KLK3: variants seen among roughly 807,000 people sequenced by gnomAD.
KLK3 encodes kallikrein related peptidase 3.
KLK3 carries 23 observed loss-of-function variants against 27.7 expected under a neutral mutation model. The observed-to-expected ratio is 0.83, with a 90% CI of 0.60 to 1.17. KLK3 has a LOEUF of 1.17. KLK3 is among the 50% of genes most tolerant of loss of function. The pLI is 0.00. For synonymous variants in KLK3, 142 were observed against 134.2 expected (o/e 1.06, Z -0.40); for missense variants, 322 against 338.1 (o/e 0.95, Z 0.37).
chr19:50,854,935 C>T lies in KLK3; in HGVS notation c.-21C>T, dbSNP rs769236849. On this transcript the variant is annotated 5_prime_UTR_variant, in exon 1 of 5. Transcript: ENST00000326003. The stretch of plus-strand genomic sequence containing the variant: ...TCCCCAGCCCCAAGCTTACCACCTG[C>T]ACCCGGAGAGCTGTGTCACCATGTG... The T allele has an allele frequency of 5.4e-5, 87 of 1,613,554 alleles. No individual in the cohort carries two copies. Among genetic ancestry groups the T allele is most frequent in the Non-Finnish European group, 7.0e-5 (82 of 1,179,810 alleles).
chr19:50,856,368 T>G lies in KLK3; in HGVS notation c.175T>G (p.Trp59Gly), dbSNP rs760366035. Reference sequence around the variant, plus strand: ...CGGCGGTGTTCTGGTGCACCCCCAGTGGGTCCTCACAGCTGCCCACTGCAT... The same window carrying G: ...CGGCGGTGTTCTGGTGCACCCCCAGGGGGTCCTCACAGCTGCCCACTGCAT... ...VCGGVLVHPQWVLTAAHCIRN... is the reference protein window; with the variant it reads ...VCGGVLVHPQGVLTAAHCIRN... Residue 59 changes from tryptophan to glycine, a missense_variant, in exon 2 of 5, where the codon TGG (tryptophan) becomes GGG (glycine). Transcript: ENST00000326003. The G allele has an allele frequency of 6.2e-6, 10 of 1,613,812 alleles. No individual in the cohort carries two copies. The highest frequency in any genetic ancestry group is 8.5e-6 in the Non-Finnish European group (10 of 1,179,990).
At chr19:50,856,770 G>C (rs922240829) in intron 2 of KLK3, 3 of 198,790 alleles carry the variant, frequency 1.5e-5, no homozygotes. Context: ...GTCTCACCCT[G>C]TATCTCTCTG....
intron 2 of KLK3, chr19:50,857,262 C>T (rs2090155878): frequency 6.6e-6 from 1 of 152,194 alleles, no homozygotes; most frequent in South Asian, 2.1e-4. Flanking sequence ...CCCTCTCACT[C>T]CATTCCTTCT....
At chr19:50,859,436 AG>A in intron 4 of KLK3, 1 of 963,360 alleles carries the variant, frequency 1.0e-6, no homozygotes, top group Non-Finnish European at 1.6e-6. Flanking sequence ...GGGTGGCTCC[AG>A]GCATTGTCCC....
Position 50,858,283 on chromosome 19 carries a change from C to T in KLK3, c.461C>T (p.Ala154Val). 6.2e-7 allele frequency: 1 copy of T among 1,614,024 alleles called. No homozygotes were observed. The highest frequency in any genetic ancestry group is 1.1e-5 in the South Asian group (1 of 91,066). ...QEPALGTTCY[A>V]SGWGSIEPEE... ...CCAGCACTGGGGACCACCTGCTACG[C>T]CTCAGGCTGGGGCAGCATTGAACCA... Residue 154 changes from alanine (A) to valine (V), a missense_variant, in exon 3 of 5, where the codon GCC becomes GTC. Coordinates refer to ENST00000326003, the MANE Select transcript of KLK3 (RefSeq NM_001648.2).
chr19:50,855,103 G>A (rs898421212), intron 1 of KLK3, 102 bp downstream of exon 1: 7 of 1,220,388 alleles, frequency 5.7e-6, no homozygotes, highest in African/African-American at 1.5e-5. Flanking sequence ...CCCAGACAGG[G>A]AGCTGGGCTC....
In KLK3 at chr19:50,860,380, A is replaced by T; in HGVS notation, c.*253A>T. On this transcript the variant is annotated 3_prime_UTR_variant, in exon 5 of 5. Transcript: ENST00000326003. ...CAATTTCTCTGAGGACACAGATAGG[A>T]TGGGGTGTCTGTGTTATTTGTGGGG... 7.9e-6 allele frequency: 3 copies of T among 378,628 alleles called. No homozygotes were observed. Among genetic ancestry groups the T allele is most frequent in the East Asian group, 4.5e-5 (1 of 22,390 alleles). The allele number at this position is 378,628 out of a possible 1,614,324, so 23.5% of individuals were successfully genotyped here.
In KLK3 at chr19:50,859,954, C is replaced by T. The variant is rs760793589; in HGVS notation, c.631-18C>T. ...CTGGGACTGACCTATCTCACTCTCT[C>T]CCTGCTTTTACCCTTAGGGTGATTC... On this transcript the variant is annotated intron_variant, in intron 4 of 4. Transcript: ENST00000326003. 11 of 1,601,610 alleles carry T rather than the reference C, an allele frequency of 6.9e-6. No homozygotes were observed. The Admixed American group carries it at 1.9e-4, about 27-fold the overall frequency.
chr19:50,859,583 T>C (rs766283610), intron 4 of KLK3: 13 of 1,613,810 alleles, frequency 8.1e-6, no homozygotes, highest in South Asian at 1.1e-5. Flanking sequence ...TGGTCCTCCA[T>C]GGCTCCCTAG....
In KLK3 at chr19:50,856,310, G is replaced by A. The variant is rs7252245; in HGVS notation, c.117G>A (p.Gln39=). The change falls in exon 2 of 5, where the codon CAG becomes CAA. Residue 39 remains glutamine (Q), a synonymous_variant. Coordinates refer to ENST00000326003, the MANE Select transcript of KLK3 (RefSeq NM_001648.2). ...GCGAGAAGCATTCCCAACCCTGGCA[G>A]GTGCTTGTGGCCTCTCGTGGCAGGG... ...WECEKHSQPW[Q]VLVASRGRAV... 40,482 of 1,613,514 alleles carry A rather than the reference G, an allele frequency of 0.025. 1,685 individuals are homozygous for A. Among genetic ancestry groups the A allele is most frequent in the African/African-American group, 0.19 (14,231 of 74,974 alleles).
At position 50,859,997 on chromosome 19, in the gene KLK3, G is replaced by A. The variant is rs746545348; in HGVS notation, c.656G>A (p.Cys219Tyr). 6.2e-7 allele frequency: 1 copy of A among 1,613,768 alleles called. No individual in the cohort carries two copies. Among genetic ancestry groups the A allele is most frequent in the African/African-American group, 1.3e-5 (1 of 74,938 alleles). Residue 219 changes from cysteine to tyrosine, a missense_variant, in exon 5 of 5, where the codon TGT becomes TAT. By Grantham distance (194) the Cys-to-Tyr change is radical. Coordinates refer to ENST00000326003, the MANE Select transcript of KLK3 (RefSeq NM_001648.2). ...CSGDSGGPLV[C>Y]NGVLQGITSW... ...GGTGATTCTGGGGGCCCACTTGTCTGTAATGGTGTGCTTCAAGGTATCACG... is the reference window on the plus strand; with the variant it reads ...GGTGATTCTGGGGGCCCACTTGTCTATAATGGTGTGCTTCAAGGTATCACG...
rs746453452 is a variant in KLK3 at position 50,859,655 on chromosome 19, C to T, written c.631-317C>T. ...CTGGAAGGTGGCCTCTGTGAGGAGC[C>T]ACGGGGACAGCATCCTGCAGATGGT... On this transcript the variant is annotated intron_variant, in intron 4 of 4. Transcript: ENST00000326003. 39 of 1,607,156 alleles carry T rather than the reference C, an allele frequency of 2.4e-5. No individual in the cohort carries two copies. In the Middle Eastern group the frequency reaches 5.0e-4, roughly 20 times the overall value.
At position 50,856,324 on chromosome 19, in the gene KLK3, C is replaced by T. The variant is rs1208039263; in HGVS notation, c.131C>T (p.Ser44Phe). 10 of 1,613,574 alleles carry T rather than the reference C, an allele frequency of 6.2e-6. No individual in the cohort carries two copies. The highest frequency in any genetic ancestry group is 8.5e-7 in the Non-Finnish European group (1 of 1,179,982). The change falls in exon 2 of 5, where the codon TCT (serine) becomes TTT (phenylalanine). Residue 44 changes from serine (S) to phenylalanine (F), a missense_variant. Coordinates refer to ENST00000326003, the MANE Select transcript of KLK3 (RefSeq NM_001648.2). ...CAACCCTGGCAGGTGCTTGTGGCCT[C>T]TCGTGGCAGGGCAGTCTGCGGCGGT... Reference protein sequence around the residue: ...HSQPWQVLVASRGRAVCGGVL... With the variant: ...HSQPWQVLVAFRGRAVCGGVL...
Position 50,860,112 on chromosome 19 carries a change from C to G in KLK3, c.771C>G (p.Ile257Met). Residue 257 changes from isoleucine (I) to methionine (M), a missense_variant, in exon 5 of 5, where the codon ATC becomes ATG. By Grantham distance (10) the Ile-to-Met change is conservative. Transcript: ENST00000326003. ...VHYRKWIKDTIVANP is the reference protein window; with the variant it reads ...VHYRKWIKDTMVANP The stretch of plus-strand genomic sequence containing the variant: ...ACCGGAAGTGGATCAAGGACACCAT[C>G]GTGGCCAACCCCTGAGCACCCCTAT... 1 of 1,613,348 alleles carries G rather than the reference C, an allele frequency of 6.2e-7. No individual in the cohort carries two copies. The highest frequency in any genetic ancestry group is 8.5e-7 in the Non-Finnish European group (1 of 1,179,438).
At chr19:50,857,662 T>G in intron 2 of KLK3, 1 of 180,880 alleles carries the variant, frequency 5.5e-6, no homozygotes, top group Non-Finnish European at 1.1e-5. Flanking sequence ...CCTGGTTTTG[T>G]TCTTCTCTCT....
intron 1 of KLK3, 46 bp downstream of exon 1, chr19:50,855,047 C>A (rs555856852): frequency 1.9e-6 from 3 of 1,598,984 alleles, no homozygotes; most frequent in Non-Finnish European, 2.6e-6. Flanking sequence ...GGAGCCAGCC[C>A]TGACTGTCAA....
chr19:50,857,179 A>AAAAAAAAAAAAAAG (rs1555770267), intron 2 of KLK3, among the ~76,000 whole-genome samples: 66 of 145,336 alleles, frequency 4.5e-4, no homozygotes, highest in South Asian at 1.5e-3. Flanking sequence ...AAAAAAAAAA[A>AAAAAAAAAAAAAAG]AAAAGAAAAG....
chr19:50,858,777 G>T (rs917394946), intron 4 of KLK3, 182 bp downstream of exon 4: 1 of 670,956 alleles, frequency 1.5e-6, no homozygotes. Context: ...AAGGCAATAG[G>T]TTATTCTTAC....
Position 50,858,558 on chromosome 19 carries a change from G to A in KLK3, c.593G>A (p.Cys198Tyr), listed in dbSNP as rs780184499. Residue 198 changes from cysteine to tyrosine, a missense_variant, in exon 4 of 5, where the codon TGT becomes TAT. By Grantham distance (194) the Cys-to-Tyr change is radical. Transcript: ENST00000326003. ...CAGAAGGTGACCAAGTTCATGCTGT[G>A]TGCTGGACGCTGGACAGGGGGCAAA... Reference protein sequence around the residue: ...HPQKVTKFMLCAGRWTGGKST... With the variant: ...HPQKVTKFMLYAGRWTGGKST... 6.2e-7 allele frequency: 1 copy of A among 1,614,232 alleles called. No individual in the cohort carries two copies.
Sources: allele counts gnomAD v4.1 joint callset (sites outside exome capture counted in the v4.1 genomes callset), GRCh38; gene constraint gnomAD v4.1.1; transcripts MANE v1.5; gene names NCBI Gene and HGNC (gene_info 2026-07-23, HGNC 2026-07-21).